Variants in FTCD observed in about 807,000 individuals in gnomAD.
FTCD encodes the protein formimidoyltransferase cyclodeaminase.
A neutral mutation model predicts 62.9 loss-of-function variants in FTCD; 76 were observed. That is an observed-to-expected ratio of 1.21 (90% CI 1.00 to 1.46). The LOEUF is 1.46. Among genes scored for constraint, FTCD ranks in the 40% most tolerant of loss-of-function variants. FTCD has a pLI of 0.00. For synonymous variants in FTCD, 397 were observed against 336.9 expected (o/e 1.18, Z -1.95); for missense variants, 845 against 751.3 (o/e 1.12, Z -1.46).
At chr21:46,143,679 A>G (rs2079066683) in intron 10 of FTCD, among the ~76,000 whole-genome samples, 1 of 152,212 alleles carries the variant, frequency 6.6e-6, no homozygotes, top group South Asian at 2.1e-4. Flanking sequence ...CAGGGCCACT[A>G]GAGGGCTCCT....
chr21:46,153,024 G>C lies in FTCD; in HGVS notation c.250C>G (p.Arg84Gly). The change falls in exon 3 of 14, where the codon CGC becomes GGC. Residue 84 changes from arginine to glycine, a missense_variant. Physicochemically the swap from Arg to Gly is moderately radical, Grantham distance 125. Coordinates refer to ENST00000397746, the MANE Select transcript of FTCD (RefSeq NM_206965.2). The part of the protein sequence containing the change: ...DMSRHQGEHP[R>G]MGALDVCPFI... The stretch of plus-strand genomic sequence containing the variant: ...GGGCAGACGTCTAGGGCCCCCATGC[G>C]GGGGTGCTCTCCTGCAGAGAGACGG... The C allele has an allele frequency of 1.3e-6, 2 of 1,549,044 alleles. No individual in the cohort carries two copies. Among genetic ancestry groups the C allele is most frequent in the Non-Finnish European group, 8.7e-7 (1 of 1,146,754 alleles).
At chr21:46,144,261 G>C (rs1369636678) in intron 10 of FTCD, among the ~76,000 whole-genome samples, 1 of 151,116 alleles carries the variant, frequency 6.6e-6, no homozygotes, top group Non-Finnish European at 1.5e-5. Context: ...CCCGGGCCCA[G>C]CTGTCTTTTC....
Position 46,150,202 on chromosome 21 carries a change from G to A in FTCD, c.823C>T (p.Leu275=), listed in dbSNP as rs1193203150. Reference sequence around the variant, plus strand: ...GCGGCCGCATCCAGCAGAGCCTTCAGGGGCACCAGGCCCACCAGCTGTGAG... The same window carrying A: ...GCGGCCGCATCCAGCAGAGCCTTCAAGGGCACCAGGCCCACCAGCTGTGAG... ...VGSQLVGLVP[L]KALLDAAAFY... is the part of the protein sequence containing the mutation. The change falls in exon 7 of 14, where the codon CTG becomes TTG. Residue 275 remains leucine, a synonymous_variant. Transcript: ENST00000397746. The A allele has an allele frequency of 6.2e-7, 1 of 1,609,590 alleles. No homozygotes were observed. The highest frequency in any genetic ancestry group is 1.3e-5 in the African/African-American group (1 of 75,002).
At chr21:46,138,476 C>T (rs977971213) in intron 12 of FTCD, 32 bp downstream of exon 12, 2 of 1,565,410 alleles carry the variant, frequency 1.3e-6, no homozygotes, top group South Asian at 1.2e-5. Context: ...TGCTTTGCGG[C>T]AGGAGGCCTG....
chr21:46,138,445 T>TCA, intron 12 of FTCD, 63 bp downstream of exon 12: 1 of 1,497,484 alleles, frequency 6.7e-7, no homozygotes, highest in Non-Finnish European at 9.0e-7. Context: ...CTCCAGCAAC[T>TCA]CAGCCCCAAC....
At chr21:46,152,008 G>A in intron 3 of FTCD, 28 bp from the exon 4 acceptor site, 2 of 1,495,584 alleles carry the variant, frequency 1.3e-6, no homozygotes, top group Non-Finnish European at 1.8e-6. Flanking sequence ...GGTCAGGCCT[G>A]GACCGGCAGG....
chr21:46,151,410 G>A (rs933286592), intron 5 of FTCD, 148 bp downstream of exon 5: 67 of 739,200 alleles, frequency 9.1e-5, no homozygotes, highest in Middle Eastern at 3.8e-4. Flanking sequence ...CGGTGTGGAC[G>A]CGGAGGCTGG....
intron 3 of FTCD, chr21:46,152,532 G>T (rs908696674): frequency 9.7e-6 from 2 of 205,568 alleles, no homozygotes; most frequent in Non-Finnish European, 2.0e-5. Context: ...TTCCAGGAGC[G>T]CTGGGTTGGT....
At chr21:46,136,544 A>G, downstream of FTCD, 1 of 1,604,346 alleles carries the variant, frequency 6.2e-7, no homozygotes, top group Non-Finnish European at 8.5e-7. Flanking sequence ...AAGGGGCCTC[A>G]CAGCCCAGGG....
downstream of FTCD, chr21:46,136,665 C>CAT: frequency 6.8e-7 from 1 of 1,469,500 alleles, no homozygotes; most frequent in Non-Finnish European, 9.0e-7. Flanking sequence ...GCTGCAACCC[C>CAT]ATTCCCTCCA....
rs1452323968 is a variant in FTCD, at chr21:46,151,699, G to A, written c.495C>T (p.Ser165=). 4.3e-6 allele frequency: 7 copies of A among 1,612,894 alleles called. No individual in the cohort carries two copies. The highest frequency in any genetic ancestry group is 1.3e-5 in the African/African-American group (1 of 74,950). The stretch of plus-strand genomic sequence containing the variant: ...TGGCCCCCCAACTGGGGACAAAGGA[G>A]CTGGGACCAAAGTCGGGCGCCCAGT... The part of the protein sequence containing the change: ...QADWAPDFGP[S]SFVPSWGATA... The change falls in exon 5 of 14, where the codon AGC becomes AGT. Residue 165 remains serine, a synonymous_variant. Coordinates refer to ENST00000397746, the MANE Select transcript of FTCD (RefSeq NM_206965.2).
intron 10 of FTCD, among the ~76,000 whole-genome samples, chr21:46,140,542 T>C (rs1352447057): frequency 7.4e-4 from 81 of 109,980 alleles, no homozygotes; most frequent in African/African-American, 1.0e-3. Flanking sequence ...TCAGAGGGAG[T>C]GTAAACCAAC....
At chr21:46,142,366 G>A (rs1187336416) in intron 10 of FTCD, 1 of 146,220 alleles carries the variant, frequency 6.8e-6, no homozygotes, top group African/African-American at 2.6e-5. Flanking sequence ...TACAGGTGGC[G>A]CGTCGGGAGC....
intron 2 of FTCD, 70 bp from the exon 3 acceptor site, chr21:46,153,105 G>C: frequency 6.8e-7 from 1 of 1,480,132 alleles, no homozygotes; most frequent in Non-Finnish European, 9.1e-7. Flanking sequence ...CGGGGTTCTC[G>C]GACCCTCTGT....
chr21:46,138,321 C>T (rs184831306), intron 12 of FTCD, among the ~76,000 whole-genome samples, 187 bp downstream of exon 12: 42 of 152,286 alleles, frequency 2.8e-4, no homozygotes, highest in African/African-American at 5.8e-4. Flanking sequence ...CCGCCGTGAG[C>T]GAGATCTTAG....
At position 46,145,337 on chromosome 21, in the gene FTCD, T is replaced by A. The variant is rs1396787729; in HGVS notation, c.1260+80A>T. 3 of 1,214,206 alleles carry A rather than the reference T, an allele frequency of 2.5e-6. No individual in the cohort carries two copies. In the Admixed American group the frequency reaches 6.5e-5, roughly 26 times the overall value. The allele number at this position is 1,214,206 out of a possible 1,614,324, so 75.2% of individuals were successfully genotyped here. ...CCCCAGCCCCTCCCCAGCCGGAGGC[T>A]GACCCGCTTCTCACTGGGGCCCCAG... On this transcript the variant is annotated intron_variant, in intron 10 of 13. Coordinates refer to ENST00000397746, the MANE Select transcript of FTCD (RefSeq NM_206965.2).
At chr21:46,148,955 T>C (rs996548480) in intron 7 of FTCD, among the ~76,000 whole-genome samples, 1 of 152,224 alleles carries the variant, frequency 6.6e-6, no homozygotes, top group Non-Finnish European at 1.5e-5. Context: ...ACTGTGGTTA[T>C]GTAAGAGAAT....
At chr21:46,138,437 C>G in intron 12 of FTCD, 71 bp downstream of exon 12, 1 of 1,458,694 alleles carries the variant, frequency 6.9e-7, no homozygotes, top group Non-Finnish European at 9.3e-7. Context: ...ACCGTGCTCT[C>G]CAGCAACTCA....
chr21:46,147,868 G>A (rs1229114462), intron 7 of FTCD, among the ~76,000 whole-genome samples: 2 of 150,862 alleles, frequency 1.3e-5, no homozygotes, highest in African/African-American at 2.4e-5. Flanking sequence ...GCTTCAATCC[G>A]GGAGGTGGAG....
Sources: gnomAD v4.1 joint callset for allele counts (sites outside exome capture counted in the v4.1 genomes callset) on GRCh38, gnomAD v4.1.1 for gene constraint, MANE v1.5 for transcripts, NCBI Gene and HGNC (gene_info 2026-07-23, HGNC 2026-07-21) for gene names.